RAB15: variants seen among roughly 807,000 people sequenced by gnomAD.
RAB15 encodes the protein ras-related protein Rab-15.
A neutral mutation model predicts 31.8 loss-of-function variants in RAB15; 13 were observed. The ratio of observed to expected loss-of-function variants is 0.41; its 90% CI spans 0.27 to 0.65. RAB15 has a LOEUF of 0.65. RAB15 is among the 30% of genes least tolerant of loss of function. The pLI is 0.32. For missense variants in RAB15, 220 were observed against 277.3 expected (o/e 0.79, Z 1.47); for synonymous variants, 100 against 105.6 (o/e 0.95, Z 0.33).
At chr14:64,964,737 G>A (rs553201556) in intron 1 of RAB15, among the ~76,000 whole-genome samples, 52 of 151,468 alleles carry the variant, frequency 3.4e-4, no homozygotes, top group African/African-American at 1.2e-3. Flanking sequence ...CACAACACCC[G>A]GCTAATTTTT....
rs772523619 is a variant in RAB15, at chr14:64,948,848, T to C, written c.415-115A>G. ...AACCATGCTGTGTTGTGACGATTTC[T>C]CAGAGTAGATAATTTCTCAGATGGG... On this transcript the variant is annotated intron_variant, in intron 5 of 6. Coordinates refer to ENST00000533601, the MANE Select transcript of RAB15 (RefSeq NM_001308154.2). The surrounding 1 kb of genome is among the most constrained non-coding windows in gnomAD (Gnocchi z 7.0). 1.0e-4 allele frequency: 89 copies of C among 881,874 alleles called. No individual in the cohort carries two copies. Among genetic ancestry groups the C allele is most frequent in the Non-Finnish European group, 1.5e-4 (86 of 556,216 alleles). 54.6% of individuals were successfully genotyped at this position (881,874 alleles called of 1,614,324 possible).
In RAB15 at chr14:64,955,495, G is replaced by A. The variant is rs1283618273; in HGVS notation, c.125-2924C>T. On this transcript the variant is annotated intron_variant, in intron 1 of 6. Transcript: ENST00000533601. This position sits in a 1 kb window ranked among gnomAD's most constrained non-coding sequence, Gnocchi z 4.4. Reference sequence around the variant, plus strand: ...TGGCCTTATTGAGGCCTCTGCAGACGGATGCTTTCTCACCTTGGCCAGCCC... The same window carrying A: ...TGGCCTTATTGAGGCCTCTGCAGACAGATGCTTTCTCACCTTGGCCAGCCC... 6.6e-5 allele frequency among the ~76,000 whole-genome samples: 10 copies of A among 152,192 alleles called. No homozygotes were observed. The highest frequency in any genetic ancestry group is 1.3e-4 in the Admixed American group (2 of 15,276).
In RAB15 at chr14:64,954,692, C is replaced by G. The variant is rs948327239; in HGVS notation, c.125-2121G>C. Among the ~76,000 whole-genome samples the G allele has an allele frequency of 6.6e-6, 1 of 152,218 alleles. No individual in the cohort carries two copies. Among genetic ancestry groups the G allele is most frequent in the Non-Finnish European group, 1.5e-5 (1 of 68,040 alleles). ...GGTCAATGGCTAGCCAGGGTCAGCA[C>G]AGCACGTGCAGAGATTCCAACACAG... On this transcript the variant is annotated intron_variant, in intron 1 of 6. Coordinates refer to ENST00000533601, the MANE Select transcript of RAB15 (RefSeq NM_001308154.2). This position sits in a 1 kb window ranked among gnomAD's most constrained non-coding sequence, Gnocchi z 4.3.
rs954864598 is a variant in RAB15, at chr14:64,970,278, G to A, written c.124+1675C>T. On this transcript the variant is annotated intron_variant, in intron 1 of 6. Coordinates refer to ENST00000533601, the MANE Select transcript of RAB15 (RefSeq NM_001308154.2). The surrounding 1 kb of genome is among the most constrained non-coding windows in gnomAD (Gnocchi z 4.1). ...CCCTTTGTCCCTGAGCCCACAACCT[G>A]TCCTCATACACCATCTGGTTCCTCT... Among the ~76,000 whole-genome samples, 3 of 152,160 alleles carry A rather than the reference G, an allele frequency of 2.0e-5. No homozygotes were observed. Among genetic ancestry groups the A allele is most frequent in the African/African-American group, 7.2e-5 (3 of 41,420 alleles).
Position 64,950,651 on chromosome 14 carries a change from C to T in RAB15, c.325-237G>A, listed in dbSNP as rs1886198131. Reference sequence around the variant, plus strand: ...AGACTGGTGCTTCCTTGGGTTAGACCACTGGTATCAGAGCTGGAAAGGACA... The same window carrying T: ...AGACTGGTGCTTCCTTGGGTTAGACTACTGGTATCAGAGCTGGAAAGGACA... On this transcript the variant is annotated intron_variant, in intron 4 of 6. Transcript: ENST00000533601. The surrounding 1 kb of genome is among the most constrained non-coding windows in gnomAD (Gnocchi z 5.6). The T allele has an allele frequency of 5.0e-6, 3 of 600,510 alleles. No individual in the cohort carries two copies. Among genetic ancestry groups the T allele is most frequent in the Non-Finnish European group, 8.9e-6 (3 of 337,232 alleles). The allele number at this position is 600,510 out of a possible 1,614,324, so 37.2% of individuals were successfully genotyped here.
At chr14:64,960,718 C>T (rs994302761) in intron 1 of RAB15, among the ~76,000 whole-genome samples, 2 of 152,194 alleles carry the variant, frequency 1.3e-5, no homozygotes, top group African/African-American at 2.4e-5. Context: ...ATGAGATTAG[C>T]GAGCCCAGAG....
intron 1 of RAB15, among the ~76,000 whole-genome samples, chr14:64,966,540 T>A (rs1052252014): frequency 6.0e-5 from 9 of 150,896 alleles, no homozygotes; most frequent in African/African-American, 1.7e-4. Context: ...AATAAATAAA[T>A]AAATAAATAA....
At position 64,971,782 on chromosome 14, in the gene RAB15, C is replaced by T. The variant is rs1887432380; in HGVS notation, c.124+171G>A. ...TCCGGACGGCAGGCAGCAGGGACAC[C>T]CTCACCTGCCAAAACCTATGCTCAC... On this transcript the variant is annotated intron_variant, in intron 1 of 6. Transcript: ENST00000533601. This position sits in a 1 kb window ranked among gnomAD's most constrained non-coding sequence, Gnocchi z 4.1. 2 of 639,632 alleles carry T rather than the reference C, an allele frequency of 3.1e-6. No individual in the cohort carries two copies. Among genetic ancestry groups the T allele is most frequent in the Non-Finnish European group, 5.3e-6 (2 of 376,028 alleles). The allele number at this position is 639,632 out of a possible 1,614,324, so 39.6% of individuals were successfully genotyped here. A position where few individuals can be genotyped will look rare whatever the true frequency, so the allele number is the denominator to read the frequency against.
Position 64,950,040 on chromosome 14 carries a change from T to C in RAB15, c.414+285A>G, listed in dbSNP as rs1318291911. Among the ~76,000 whole-genome samples the C allele has an allele frequency of 6.6e-6, 1 of 152,174 alleles. No homozygotes were observed. Among genetic ancestry groups the C allele is most frequent in the Non-Finnish European group, 1.5e-5 (1 of 68,018 alleles). ...AAGTCCTTCATTACTAACACGGGGA[T>C]GATCTCTTAAGCAGAGGGCAATCCT... On this transcript the variant is annotated intron_variant, in intron 5 of 6. Transcript: ENST00000533601. This position sits in a 1 kb window ranked among gnomAD's most constrained non-coding sequence, Gnocchi z 5.6.
intron 1 of RAB15, among the ~76,000 whole-genome samples, chr14:64,957,764 G>C (rs900428912): frequency 2.6e-5 from 4 of 152,122 alleles, no homozygotes; most frequent in Admixed American, 1.3e-4. Flanking sequence ...AACCCACCCA[G>C]GGTATGCTTC....
In RAB15 at chr14:64,962,984, A is replaced by G. The variant is rs1886936255; in HGVS notation, c.124+8969T>C. ...GCCAACTTCAGAACTCCCTGCTCCT[A>G]TGTGATGCTGAGATCTCTATACACT... On this transcript the variant is annotated intron_variant, in intron 1 of 6. Coordinates refer to ENST00000533601, the MANE Select transcript of RAB15 (RefSeq NM_001308154.2). The surrounding 1 kb of genome is among the most constrained non-coding windows in gnomAD (Gnocchi z 4.2). Among the ~76,000 whole-genome samples the G allele has an allele frequency of 6.6e-6, 1 of 152,014 alleles. No individual in the cohort carries two copies.
intron 1 of RAB15, among the ~76,000 whole-genome samples, chr14:64,959,471 T>C (rs543245088): frequency 1.3e-5 from 2 of 152,286 alleles, no homozygotes; most frequent in Admixed American, 1.3e-4. Context: ...CATTTTGTGG[T>C]TGACAAAGCA....
intron 1 of RAB15, among the ~76,000 whole-genome samples, chr14:64,963,351 T>G (rs1397128898): frequency 1.3e-5 from 2 of 151,968 alleles, no homozygotes; most frequent in Non-Finnish European, 2.9e-5. Flanking sequence ...CCCCTTGCTT[T>G]TCCCACTGCC....
chr14:64,971,893 G>A lies in RAB15; in HGVS notation c.124+60C>T. 5.4e-6 allele frequency: 8 copies of A among 1,487,680 alleles called. No homozygotes were observed. Among genetic ancestry groups the A allele is most frequent in the Non-Finnish European group, 5.4e-6 (6 of 1,102,850 alleles). The allele number at this position is 1,487,680 out of a possible 1,614,324, so 92.2% of individuals were successfully genotyped here. A position where few individuals can be genotyped will look rare whatever the true frequency, so the allele number is the denominator to read the frequency against. ...AATTCCTCCCCAGCTGGGGACGGGG[G>A]CGGCGGGGAAAGGGGCCGCGGGCGG... is the stretch of plus-strand genomic sequence containing the variant. On this transcript the variant is annotated intron_variant, in intron 1 of 6. Coordinates refer to ENST00000533601, the MANE Select transcript of RAB15 (RefSeq NM_001308154.2). This position sits in a 1 kb window ranked among gnomAD's most constrained non-coding sequence, Gnocchi z 4.1.
rs1886400309 is a variant in RAB15 at position 64,953,855 on chromosome 14, A to G, written c.125-1284T>C. On this transcript the variant is annotated intron_variant, in intron 1 of 6. Coordinates refer to ENST00000533601, the MANE Select transcript of RAB15 (RefSeq NM_001308154.2). The surrounding 1 kb of genome is among the most constrained non-coding windows in gnomAD (Gnocchi z 4.6). ...TCAGCCACAGTTTTCAGATGGGAACATGGTAGAGTTCCGAACCGTCTGCCA... is the reference window on the plus strand; with the variant it reads ...TCAGCCACAGTTTTCAGATGGGAACGTGGTAGAGTTCCGAACCGTCTGCCA... The G allele has an allele frequency of 3.0e-6, 3 of 985,368 alleles. No individual in the cohort carries two copies. Among genetic ancestry groups the G allele is most frequent in the Non-Finnish European group, 3.6e-6 (3 of 829,900 alleles). 61.0% of individuals were successfully genotyped at this position (985,368 alleles called of 1,614,324 possible).
At chr14:64,949,529 T>C (rs1886112930) in intron 5 of RAB15, among the ~76,000 whole-genome samples, 1 of 152,090 alleles carries the variant, frequency 6.6e-6, no homozygotes, top group Non-Finnish European at 1.5e-5. Context: ...GAGACCGGCC[T>C]GGCCAATATG....
chr14:64,969,800 T>C (rs1367260258), intron 1 of RAB15, among the ~76,000 whole-genome samples: 1 of 152,198 alleles, frequency 6.6e-6, no homozygotes, highest in African/African-American at 2.4e-5. Context: ...CCCTGTGACC[T>C]ATTTAGTGTT....
rs751503545 is a variant in RAB15 at position 64,951,117 on chromosome 14, C to T, written c.281G>A (p.Arg94His). The T allele has an allele frequency of 2.5e-6, 4 of 1,612,480 alleles. No individual in the cohort carries two copies. Among genetic ancestry groups the T allele is most frequent in the African/African-American group, 2.7e-5 (2 of 74,882 alleles). Residue 94 changes from arginine to histidine, a missense_variant, in exon 4 of 7, where the codon CGC becomes CAC. By Grantham distance (29) the Arg-to-His change is conservative. Coordinates refer to ENST00000533601, the MANE Select transcript of RAB15 (RefSeq NM_001308154.2). This position sits in a 1 kb window ranked among gnomAD's most constrained non-coding sequence, Gnocchi z 7.2. ...CCACTTCATGATGTGCTGGTAAGAGCGCTCGCTGCTAATGTCATAGACCAA... is the reference window on the plus strand; with the variant it reads ...CCACTTCATGATGTGCTGGTAAGAGTGCTCGCTGCTAATGTCATAGACCAA... ...IFLVYDISSERSYQHIMKWVS... is the reference protein window; with the variant it reads ...IFLVYDISSEHSYQHIMKWVS...
chr14:64,952,476 C>T lies in RAB15; in HGVS notation c.185+35G>A. 1 of 1,558,184 alleles carries T rather than the reference C, an allele frequency of 6.4e-7. No individual in the cohort carries two copies. The highest frequency in any genetic ancestry group is 8.8e-7 in the Non-Finnish European group (1 of 1,130,336). On this transcript the variant is annotated intron_variant, in intron 2 of 6. Coordinates refer to ENST00000533601, the MANE Select transcript of RAB15 (RefSeq NM_001308154.2). The surrounding 1 kb of genome is among the most constrained non-coding windows in gnomAD (Gnocchi z 4.2). ...CTAAGGAGCAGCCAGAAGTCCTCTT[C>T]TCCTACATCTGCCTCCTCCTCCTCC...
Sources: gnomAD v4.1 joint callset for allele counts (sites outside exome capture counted in the v4.1 genomes callset) on GRCh38, gnomAD v4.1.1 for gene constraint, Gnocchi (gnomAD v3.1) non-coding constraint, MANE v1.5 for transcripts, NCBI Gene and HGNC (gene_info 2026-07-23, HGNC 2026-07-21) for gene names.